Variants in KCNJ6 observed in about 807,000 individuals in gnomAD.
KCNJ6 encodes the protein potassium inwardly rectifying channel subfamily J member 6.
A neutral mutation model predicts 34.2 loss-of-function variants in KCNJ6; 9 were observed. The ratio of observed to expected loss-of-function variants is 0.26; its 90% CI spans 0.16 to 0.46. The LOEUF (loss-of-function observed/expected upper bound fraction) is 0.46. Ranked by LOEUF, KCNJ6 falls within the 20% of genes least tolerant of loss-of-function variation. The pLI, the probability that KCNJ6 is intolerant of heterozygous loss-of-function variation, is 1.00. For missense variants in KCNJ6, 236 were observed against 531.3 expected (o/e 0.44, Z 5.46); for synonymous variants, 196 against 207.1 (o/e 0.95, Z 0.46).
chr21:37,725,927 TG>T (rs1569452759), intron 2 of KCNJ6, among the ~76,000 whole-genome samples: 1 of 152,248 alleles, frequency 6.6e-6, no homozygotes, highest in Non-Finnish European at 1.5e-5. Context: ...TTTTTTGAGA[TG>T]GAGTTTCACT....
chr21:37,864,113 A>G (rs1433738294), intron 1 of KCNJ6, among the ~76,000 whole-genome samples: 1 of 147,154 alleles, frequency 6.8e-6, no homozygotes, highest in South Asian at 2.1e-4. Context: ...CCAATTCTCT[A>G]TTTTTTTTTT....
At chr21:37,879,790 G>T (rs576682074) in intron 1 of KCNJ6, among the ~76,000 whole-genome samples, 7 of 151,192 alleles carry the variant, frequency 4.6e-5, no homozygotes, top group Non-Finnish European at 1.0e-4. Context: ...AGAGAGACAT[G>T]CATGTCGGAT....
intron 1 of KCNJ6, among the ~76,000 whole-genome samples, chr21:37,894,973 A>G (rs980763409): frequency 6.6e-6 from 1 of 152,090 alleles, no homozygotes; most frequent in Non-Finnish European, 1.5e-5. Context: ...GGATCTTGCT[A>G]TGTTGCCCAG....
chr21:37,654,648 C>T lies in KCNJ6; in HGVS notation c.947-29164G>A, dbSNP rs533224956. 5.3e-5 allele frequency among the ~76,000 whole-genome samples: 8 copies of T among 152,262 alleles called. 1 individual carries two copies. The highest frequency in any genetic ancestry group is 1.9e-4 in the East Asian group (1 of 5,178). ...GTCTCCGTTGAGCTTCTCAATGGCT[C>T]GGTGAAGCAGCAGGCAGGGGTGGTT... On this transcript the variant is annotated intron_variant, in intron 3 of 3. Transcript: ENST00000609713.
At chr21:37,833,615 T>C (rs1395828897) in intron 2 of KCNJ6, among the ~76,000 whole-genome samples, 3 of 152,052 alleles carry the variant, frequency 2.0e-5, no homozygotes, top group Non-Finnish European at 4.4e-5. Flanking sequence ...GACCCTAACA[T>C]GTCCAGTTCA....
intron 1 of KCNJ6, among the ~76,000 whole-genome samples, chr21:37,863,012 G>C (rs2055602432): frequency 6.6e-6 from 1 of 152,238 alleles, no homozygotes; most frequent in African/African-American, 2.4e-5. Flanking sequence ...TGCTCATGAA[G>C]AGCATAGACA....
rs1478817266 is a variant in KCNJ6, at chr21:37,612,708, T to C, written c.*12451A>G. 7.4e-6 allele frequency: 1 copy of C among 135,258 alleles called. No homozygotes were observed. The highest frequency in any genetic ancestry group is 1.5e-5 in the Non-Finnish European group (1 of 65,334). The allele number at this position is 135,258 out of a possible 1,614,324, so 8.4% of individuals were successfully genotyped here. On this transcript the variant is annotated 3_prime_UTR_variant, in exon 4 of 4. Transcript: ENST00000609713. ...CAAACGGTGTTGAAATAGCTGCACA[T>C]TTGCACATCCACAGGCAAAAAAAAA...
chr21:37,831,671 A>G (rs1241926496), intron 2 of KCNJ6, among the ~76,000 whole-genome samples: 1 of 152,100 alleles, frequency 6.6e-6, no homozygotes, highest in Non-Finnish European at 1.5e-5. Context: ...TTCTGTTAGT[A>G]CCTGTGCTGG....
intron 3 of KCNJ6, among the ~76,000 whole-genome samples, chr21:37,692,179 T>C (rs1490803854): frequency 6.6e-6 from 1 of 152,170 alleles, no homozygotes; most frequent in Non-Finnish European, 1.5e-5. Flanking sequence ...AAGCTGCATG[T>C]TCTGCACAAG....
Position 37,630,092 on chromosome 21 carries a change from A to G in KCNJ6, c.947-4608T>C, listed in dbSNP as rs142729674. Among the ~76,000 whole-genome samples, 114 of 138,388 alleles carry G rather than the reference A, an allele frequency of 8.2e-4. 1 individual carries two copies. The highest frequency in any genetic ancestry group is 1.8e-3 in the Admixed American group (24 of 13,652). The allele number at this position is 138,388 out of a possible 152,430, so 90.8% of individuals were successfully genotyped here. On this transcript the variant is annotated intron_variant, in intron 3 of 3. Coordinates refer to ENST00000609713, the MANE Select transcript of KCNJ6 (RefSeq NM_002240.5). The stretch of plus-strand genomic sequence containing the variant: ...AAAAGTAGCAAAATAAAACCAACTG[A>G]GTTAGCCTCATAAGCAAGGCAGAAC...
intron 1 of KCNJ6, among the ~76,000 whole-genome samples, chr21:37,887,279 C>T (rs1197806435): frequency 6.6e-6 from 1 of 152,168 alleles, no homozygotes; most frequent in African/African-American, 2.4e-5. Context: ...GCACAGGGTC[C>T]TGTATTGACT....
rs2054303059 is a variant in KCNJ6 at position 37,624,736 on chromosome 21, A to G, written c.*423T>C. On this transcript the variant is annotated 3_prime_UTR_variant, in exon 4 of 4. Coordinates refer to ENST00000609713, the MANE Select transcript of KCNJ6 (RefSeq NM_002240.5). ...GTAGATGAAATGAATTGGGATCCAT[A>G]AAACTGAGGGCTCCACTCTGTGTCT... is the stretch of plus-strand genomic sequence containing the variant. 1 of 178,290 alleles carries G rather than the reference A, an allele frequency of 5.6e-6. No individual in the cohort carries two copies. The highest frequency in any genetic ancestry group is 1.2e-5 in the Non-Finnish European group (1 of 84,670). 11.0% of individuals were successfully genotyped at this position (178,290 alleles called of 1,614,324 possible). A position where few individuals can be genotyped will look rare whatever the true frequency, so the allele number is the denominator to read the frequency against.
At chr21:37,709,009 G>A (rs924959791) in intron 3 of KCNJ6, among the ~76,000 whole-genome samples, 1 of 152,144 alleles carries the variant, frequency 6.6e-6, no homozygotes, top group Non-Finnish European at 1.5e-5. Context: ...GGGTATTTTT[G>A]TAGACAATGC....
intron 1 of KCNJ6, among the ~76,000 whole-genome samples, chr21:37,842,081 T>G (rs1453508131): frequency 1.3e-5 from 2 of 152,380 alleles, no homozygotes; most frequent in South Asian, 2.1e-4. Context: ...CACTTTTGAC[T>G]CCTAACCTTT....
chr21:37,821,309 T>A (rs916908851), intron 2 of KCNJ6, among the ~76,000 whole-genome samples: 1 of 152,216 alleles, frequency 6.6e-6, no homozygotes, highest in Non-Finnish European at 1.5e-5. Flanking sequence ...CTAGTTCCCA[T>A]TTTCAACAAC....
At chr21:37,672,533 TC>T (rs1172098768) in intron 3 of KCNJ6, among the ~76,000 whole-genome samples, 1 of 152,068 alleles carries the variant, frequency 6.6e-6, no homozygotes. Context: ...AATTTTTTTT[TC>T]TTTTTTCATA....
At chr21:37,626,458 G>A (rs1279412294) in intron 3 of KCNJ6, among the ~76,000 whole-genome samples, 2 of 152,236 alleles carry the variant, frequency 1.3e-5, no homozygotes, top group South Asian at 2.1e-4. Flanking sequence ...TTAAAGATAA[G>A]AAGCCTTTTT....
intron 2 of KCNJ6, among the ~76,000 whole-genome samples, chr21:37,820,440 G>T (rs141239215): frequency 2.7e-3 from 406 of 152,294 alleles, no homozygotes; most frequent in Middle Eastern, 0.01. Flanking sequence ...ACAGATTAGG[G>T]ACTCTGTCCT....
chr21:37,840,227 C>G (rs963404132), intron 2 of KCNJ6, among the ~76,000 whole-genome samples: 17 of 152,200 alleles, frequency 1.1e-4, no homozygotes, highest in African/African-American at 4.1e-4. Context: ...ATAGTTCTGT[C>G]TGAAATTTCT....
Sources: gnomAD v4.1 joint callset for allele counts (sites outside exome capture counted in the v4.1 genomes callset) on GRCh38, gnomAD v4.1.1 for gene constraint, MANE v1.5 for transcripts, NCBI Gene and HGNC (gene_info 2026-07-23, HGNC 2026-07-21) for gene names.